PIWIL2: variants seen among roughly 807,000 people sequenced by gnomAD.
The protein encoded by PIWIL2 is piwi like RNA-mediated gene silencing 2.
PIWIL2 carries 81 observed loss-of-function variants against 116.5 expected under a neutral mutation model. The ratio of observed to expected loss-of-function variants is 0.70; its 90% CI spans 0.58 to 0.84. The LOEUF (loss-of-function observed/expected upper bound fraction) is 0.84. PIWIL2 is among the 40% of genes least tolerant of loss of function. The probability of loss-of-function intolerance (pLI) is 0.00; values close to 1 mark genes in which losing one functional copy is unlikely to be tolerated. For synonymous variants in PIWIL2, 489 were observed against 429.5 expected (o/e 1.14, Z -1.71); for missense variants, 1,272 against 1,212.3 (o/e 1.05, Z -0.73).
In PIWIL2 at chr8:22,288,559, T is replaced by C; in HGVS notation, c.879T>C (p.Ser293=). The change falls in exon 8 of 23, where the codon AGT becomes AGC. Residue 293 remains serine (S), a synonymous_variant. Coordinates refer to ENST00000356766, the MANE Select transcript of PIWIL2 (RefSeq NM_018068.5). ...TTTGTTAGGTTCTTGAGTTAAAAAG[T>C]CAAAGGAAAACAGACAGTGCTGAAA... ...VKLQQVLELK[S]QRKTDSAEIS... 6.2e-7 allele frequency: 1 copy of C among 1,613,104 alleles called. No individual in the cohort carries two copies. The highest frequency in any genetic ancestry group is 8.5e-7 in the Non-Finnish European group (1 of 1,179,248).
intron 13 of PIWIL2, among the ~76,000 whole-genome samples, chr8:22,307,707 G>T (rs923377546): frequency 6.6e-6 from 1 of 151,376 alleles, no homozygotes; most frequent in African/African-American, 2.4e-5. Flanking sequence ...TGTTGGTCTC[G>T]AACACCTGGG....
At chr8:22,310,658 G>T (rs1306187927) in intron 15 of PIWIL2, among the ~76,000 whole-genome samples, 1 of 151,968 alleles carries the variant, frequency 6.6e-6, no homozygotes, top group Non-Finnish European at 1.5e-5. Flanking sequence ...TCCACACCAA[G>T]GGTTAAGATG....
chr8:22,286,373 T>C (rs1004238182), intron 6 of PIWIL2, among the ~76,000 whole-genome samples: 1 of 152,180 alleles, frequency 6.6e-6, no homozygotes, highest in Non-Finnish European at 1.5e-5. Context: ...ATAGTTTCTA[T>C]GAGGTAAGAA....
At chr8:22,349,417 GTGTATATATA>G (rs955203644) in intron 20 of PIWIL2, among the ~76,000 whole-genome samples, 1 of 134,598 alleles carries the variant, frequency 7.4e-6, no homozygotes, top group Non-Finnish European at 1.6e-5. Context: ...ATATGTGTGT[GTGTATATATA>G]TATATATATA....
At chr8:22,349,876 T>G (rs747578329) in intron 20 of PIWIL2, among the ~76,000 whole-genome samples, 1 of 152,202 alleles carries the variant, frequency 6.6e-6, no homozygotes, top group African/African-American at 2.4e-5. Flanking sequence ...CAAACTCCAC[T>G]GTTTTGCATT....
At chr8:22,289,713 A>G (rs1438207738) in intron 8 of PIWIL2, 134 bp from the exon 9 acceptor site, 3 of 616,528 alleles carry the variant, frequency 4.9e-6, no homozygotes, top group Non-Finnish European at 5.8e-6. Context: ...TGTTCTCAAT[A>G]TAAAAGCTGT....
intron 6 of PIWIL2, among the ~76,000 whole-genome samples, chr8:22,287,314 G>T (rs761908630): frequency 2.0e-5 from 3 of 152,182 alleles, no homozygotes; most frequent in Non-Finnish European, 4.4e-5. Flanking sequence ...TTGGTGGTAG[G>T]ATTTGGTGGT....
rs1016491858 is a variant in PIWIL2 at position 22,318,211 on chromosome 8, C to T, written c.2339C>T (p.Pro780Leu). 2.4e-5 allele frequency: 38 copies of T among 1,613,372 alleles called. No homozygotes were observed. The highest frequency in any genetic ancestry group is 1.2e-4 in the African/African-American group (9 of 74,868). ...KWYSRVVFQM[P>L]HQEIVDSLKL... The stretch of plus-strand genomic sequence containing the variant: ...TATTCCCGGGTGGTGTTCCAGATGC[C>T]GCATCAGGAGATTGTGGACAGCCTG... The change falls in exon 20 of 23, where the codon CCG becomes CTG. Residue 780 changes from proline to leucine, a missense_variant. Transcript: ENST00000356766.
chr8:22,284,302 C>A, intron 6 of PIWIL2, 30 bp downstream of exon 6: 1 of 1,163,308 alleles, frequency 8.6e-7, no homozygotes, highest in Non-Finnish European at 1.3e-6. Flanking sequence ...GTATTGTTCA[C>A]TTCTTAAAGG....
chr8:22,311,265 T>A lies in PIWIL2; in HGVS notation c.1954T>A (p.Tyr652Asn). Residue 652 changes from tyrosine (Y) to asparagine (N), a missense_variant, in exon 16 of 23, where the codon TAT becomes AAT. Tyr to Asn is a moderately radical substitution (Grantham distance 143). Coordinates refer to ENST00000356766, the MANE Select transcript of PIWIL2 (RefSeq NM_018068.5). ...ACTAAAGGATGACCGAATAGAGACT[T>A]ATGTCAGAACCATTCAATCCACGTT... ...VELKDDRIET[Y>N]VRTIQSTLGA... 6.2e-7 allele frequency: 1 copy of A among 1,614,084 alleles called. No homozygotes were observed. The highest frequency in any genetic ancestry group is 8.5e-7 in the Non-Finnish European group (1 of 1,179,992).
intron 20 of PIWIL2, among the ~76,000 whole-genome samples, chr8:22,324,505 C>A (rs1393065474): frequency 6.6e-6 from 1 of 152,150 alleles, no homozygotes; most frequent in Non-Finnish European, 1.5e-5. Context: ...AGTGGGTTTT[C>A]TCTACTACTA....
chr8:22,287,916 A>G (rs1830666674), intron 7 of PIWIL2, among the ~76,000 whole-genome samples: 1 of 152,172 alleles, frequency 6.6e-6, no homozygotes. Context: ...ATCACAGCAC[A>G]TTTTAGGTTT....
chr8:22,302,564 T>A (rs932522190), intron 10 of PIWIL2, among the ~76,000 whole-genome samples: 4 of 152,144 alleles, frequency 2.6e-5, no homozygotes, highest in African/African-American at 9.7e-5. Context: ...GCTGCTGATG[T>A]CTTTGCTCGG....
chr8:22,303,458 C>A (rs1319181615), intron 10 of PIWIL2, among the ~76,000 whole-genome samples: 1 of 152,136 alleles, frequency 6.6e-6, no homozygotes, highest in Non-Finnish European at 1.5e-5. Context: ...GTGATGCTAT[C>A]ATAGCTCACT....
chr8:22,355,467 C>G lies in PIWIL2; in HGVS notation c.2884C>G (p.Pro962Ala). 6.2e-7 allele frequency: 1 copy of G among 1,614,204 alleles called. No individual in the cohort carries two copies. Among genetic ancestry groups the G allele is most frequent in the Non-Finnish European group, 8.5e-7 (1 of 1,180,030 alleles). Residue 962 changes from proline to alanine, a missense_variant, in exon 23 of 23, where the codon CCA becomes GCA. Physicochemically the swap from Pro to Ala is conservative, Grantham distance 27 (BLOSUM62 -1). Transcript: ENST00000356766. ...FLSGHILHHEPAIQLCENLFF... is the reference protein window; with the variant it reads ...FLSGHILHHEAAIQLCENLFF... ...GTCAGGACACATCTTGCATCATGAA[C>G]CAGCCATCCAGCTGTGCGAGAACCT...
In PIWIL2 at chr8:22,289,904, T is replaced by G. The variant is rs372108176; in HGVS notation, c.1044T>G (p.Ser348Arg). The change falls in exon 9 of 23, where the codon AGT (serine) becomes AGG (arginine). Residue 348 changes from serine (S) to arginine (R), a missense_variant. Transcript: ENST00000356766. ...GGAGAAACTTTTATGACCCTACAAG[T>G]GCTATGGTACTACAGCAACACAGGT... ...LVGRNFYDPTSAMVLQQHRLQ... is the reference protein window; with the variant it reads ...LVGRNFYDPTRAMVLQQHRLQ... 3.7e-6 allele frequency: 6 copies of G among 1,610,810 alleles called. No individual in the cohort carries two copies. The highest frequency in any genetic ancestry group is 1.3e-5 in the African/African-American group (1 of 74,996).
At chr8:22,281,675 CAGCT>C (rs1337676645) in intron 4 of PIWIL2, among the ~76,000 whole-genome samples, 160 bp downstream of exon 4, 1 of 151,942 alleles carries the variant, frequency 6.6e-6, no homozygotes, top group Non-Finnish European at 1.5e-5. Context: ...GCTGTTAACA[CAGCT>C]AGGCATTGGA....
At chr8:22,278,013 A>G (rs918692502) in intron 1 of PIWIL2, among the ~76,000 whole-genome samples, 1 of 152,208 alleles carries the variant, frequency 6.6e-6, no homozygotes, top group East Asian at 1.9e-4. Context: ...TATTAAAAAT[A>G]CAAAATTAGC....
Position 22,279,361 on chromosome 8 carries a change from C to A in PIWIL2, c.-26C>A. 1 of 1,573,558 alleles carries A rather than the reference C, an allele frequency of 6.4e-7. No individual in the cohort carries two copies. Among genetic ancestry groups the A allele is most frequent in the Non-Finnish European group, 8.7e-7 (1 of 1,142,970 alleles). Reference sequence around the variant, plus strand: ...GGCAGGTAATTAACCAGAACAGGATCGACACGTGTTCTCTACAGCCCGTCC... The same window carrying A: ...GGCAGGTAATTAACCAGAACAGGATAGACACGTGTTCTCTACAGCCCGTCC... On this transcript the variant is annotated 5_prime_UTR_variant, in exon 2 of 23. Coordinates refer to ENST00000356766, the MANE Select transcript of PIWIL2 (RefSeq NM_018068.5).
Sources: gnomAD v4.1 joint callset for allele counts (sites outside exome capture counted in the v4.1 genomes callset) on GRCh38, gnomAD v4.1.1 for gene constraint, MANE v1.5 for transcripts, NCBI Gene and HGNC (gene_info 2026-07-23, HGNC 2026-07-21) for gene names.